The following DAB1 variants were observed in gnomAD, a reference collection of about 807,000 sequenced individuals.
DAB1 encodes DAB adaptor protein 1, also known as disabled homolog 1.
In DAB1, 15 loss-of-function variants were observed where a neutral mutation model predicts 64.6. The observed-to-expected ratio is 0.23, with a 90% CI of 0.16 to 0.36. The LOEUF is 0.36. Among genes scored for constraint, DAB1 ranks in the 10% least tolerant of loss-of-function variants. The pLI is 1.00. For missense variants in DAB1, 596 were observed against 706.7 expected (o/e 0.84, Z 1.78); for synonymous variants, 235 against 251.9 (o/e 0.93, Z 0.64).
chr1:58,322,677 T>C (rs1387095049), intron 4 of DAB1, among the ~76,000 whole-genome samples: 1 of 152,212 alleles, frequency 6.6e-6, no homozygotes, highest in African/African-American at 2.4e-5. Flanking sequence ...TGGAAGACAA[T>C]GTGGCAATTC....
Position 57,876,454 on chromosome 1 carries a change from C to T in DAB1, n.87+7545G>A, listed in dbSNP as rs141015690. The T allele has an allele frequency of 7.2e-5, 11 of 152,336 alleles. No homozygotes were observed. In the East Asian group the frequency reaches 1.9e-3, roughly 27 times the overall value. 9.4% of individuals were successfully genotyped at this position (152,336 alleles called of 1,614,324 possible). ...ACCTGGCACACATATGTGTTCATCA[C>T]GTAAGGTGATTGTTGTGATGATCTG... On this transcript the variant is annotated intron_variant and non_coding_transcript_variant, in intron 1 of 1. Coordinates refer to the DAB1 transcript ENST00000477280.
At chr1:57,529,286 C>G (rs1241576087) in intron 7 of DAB1, among the ~76,000 whole-genome samples, 1 of 151,576 alleles carries the variant, frequency 6.6e-6, no homozygotes, top group Non-Finnish European at 1.5e-5. Context: ...ACCTGAGTAA[C>G]CAAAAGGAAG....
At chr1:57,480,391 C>A (rs1644001384) in intron 7 of DAB1, among the ~76,000 whole-genome samples, 1 of 152,108 alleles carries the variant, frequency 6.6e-6, no homozygotes. Context: ...ATCTGCTACA[C>A]CTGCTTGGAC....
At chr1:57,142,409 C>A (rs552831301) in intron 3 of DAB1, among the ~76,000 whole-genome samples, 1 of 152,020 alleles carries the variant, frequency 6.6e-6, no homozygotes, top group Non-Finnish European at 1.5e-5. Context: ...TAAAGAAAAA[C>A]CACTGGGAGC....
At chr1:58,075,246 C>A (rs1649566955) in intron 5 of DAB1, among the ~76,000 whole-genome samples, 1 of 152,130 alleles carries the variant, frequency 6.6e-6, no homozygotes, top group African/African-American at 2.4e-5. Flanking sequence ...GAAAAGAGGG[C>A]ATGGTAGTTA....
At chr1:57,009,464 CA>C (rs549574905) in intron 14 of DAB1, among the ~76,000 whole-genome samples, 35 of 152,290 alleles carry the variant, frequency 2.3e-4, no homozygotes, top group African/African-American at 7.0e-4. Context: ...TACCTGTTAA[CA>C]AAATACACTT....
chr1:58,239,222 C>G (rs1405214698), intron 4 of DAB1, among the ~76,000 whole-genome samples: 3 of 152,240 alleles, frequency 2.0e-5, no homozygotes, highest in African/African-American at 7.2e-5. Flanking sequence ...CTTAGAAGAT[C>G]TTCCTTCACT....
At position 56,996,197 on chromosome 1, in the gene DAB1, T is replaced by C. The variant is rs905508112; in HGVS notation, c.*1947A>G. 6.6e-6 allele frequency: 1 copy of C among 152,256 alleles called. No homozygotes were observed. The highest frequency in any genetic ancestry group is 2.4e-5 in the African/African-American group (1 of 41,464). 9.4% of individuals were successfully genotyped at this position (152,256 alleles called of 1,614,324 possible). A position where few individuals can be genotyped will look rare whatever the true frequency, so the allele number is the denominator to read the frequency against. ...CAAATCATTTTAGTTTCTATTGATA[T>C]GAAGAATCAAATGCAGGCCTATTCA... On this transcript the variant is annotated 3_prime_UTR_variant, in exon 15 of 15. Coordinates refer to ENST00000371236, the MANE Select transcript of DAB1 (RefSeq NM_001365792.1).
intron 5 of DAB1, among the ~76,000 whole-genome samples, chr1:58,010,481 T>C (rs1288271165): frequency 1.3e-5 from 2 of 152,198 alleles, no homozygotes; most frequent in Admixed American, 1.3e-4. Context: ...TTGTCGGTTT[T>C]ACCCCCTTGT....
chr1:57,328,396 A>G (rs1283660679), intron 1 of DAB1, among the ~76,000 whole-genome samples: 1 of 152,136 alleles, frequency 6.6e-6, no homozygotes, highest in East Asian at 1.9e-4. Flanking sequence ...GAGCTCATGG[A>G]AAAGAATGCC....
At chr1:58,097,175 C>T (rs115295190) in intron 5 of DAB1, among the ~76,000 whole-genome samples, 11 of 152,340 alleles carry the variant, frequency 7.2e-5, no homozygotes, top group Non-Finnish European at 1.6e-4. Flanking sequence ...TGAATCTCCA[C>T]AATGGCCCTA....
chr1:57,359,442 G>T (rs928974056), intron 1 of DAB1, among the ~76,000 whole-genome samples: 10 of 151,800 alleles, frequency 6.6e-5, no homozygotes, highest in Non-Finnish European at 1.5e-4. Flanking sequence ...AAAATAAGAA[G>T]TATTGGCAAG....
chr1:57,368,576 G>A (rs915246201), intron 1 of DAB1, among the ~76,000 whole-genome samples: 6 of 152,076 alleles, frequency 3.9e-5, no homozygotes, highest in African/African-American at 1.2e-4. Flanking sequence ...CAGAGATGAT[G>A]GGACGACCTG....
chr1:57,423,528 G>T (rs1317392793), intron 1 of DAB1, among the ~76,000 whole-genome samples: 2 of 152,018 alleles, frequency 1.3e-5, no homozygotes, highest in Non-Finnish European at 2.9e-5. Flanking sequence ...CGGGAGCCCA[G>T]GACAGCGGGA....
intron 7 of DAB1, among the ~76,000 whole-genome samples, chr1:57,629,263 C>T (rs1440970791): frequency 6.6e-6 from 1 of 152,164 alleles, no homozygotes; most frequent in African/African-American, 2.4e-5. Flanking sequence ...GAAACACATG[C>T]ATTTCTTATA....
chr1:57,176,969 A>AT (rs1491450914), intron 2 of DAB1, among the ~76,000 whole-genome samples: 1 of 84,248 alleles, frequency 1.2e-5, no homozygotes, highest in African/African-American at 5.5e-5. Flanking sequence ...GCAGCAGCAG[A>AT]TATAAAAAAA....
intron 5 of DAB1, among the ~76,000 whole-genome samples, chr1:57,893,971 G>A (rs1426012089): frequency 1.3e-5 from 2 of 152,120 alleles, no homozygotes; most frequent in Admixed American, 6.5e-5. Flanking sequence ...GCTGGGGAGG[G>A]AAGAACGCCT....
At chr1:58,438,055 A>C (rs1211053013) in intron 3 of DAB1, among the ~76,000 whole-genome samples, 2 of 152,144 alleles carry the variant, frequency 1.3e-5, no homozygotes, top group African/African-American at 2.4e-5. Flanking sequence ...AGGAGAGAGA[A>C]AGAATCTGAC....
chr1:57,962,123 C>T (rs1357407794), intron 5 of DAB1, among the ~76,000 whole-genome samples: 1 of 152,048 alleles, frequency 6.6e-6, no homozygotes. Context: ...CCTGGCTATG[C>T]CTCTGCTTGA....
Sources: gnomAD v4.1 joint callset for allele counts (sites outside exome capture counted in the v4.1 genomes callset) on GRCh38, gnomAD v4.1.1 for gene constraint, MANE v1.5 for transcripts, NCBI Gene and HGNC (gene_info 2026-07-23, HGNC 2026-07-21) for gene names.